The following KLHL25 variants were observed in gnomAD, a reference collection of about 807,000 sequenced individuals.
KLHL25 encodes kelch-like protein 25.
Under a neutral mutation model 30.0 loss-of-function variants are expected in KLHL25, and 41 were observed. That is an observed-to-expected ratio of 1.37 (90% CI 1.07 to 1.78). KLHL25 has a LOEUF of 1.78. KLHL25 is among the 40% of genes most tolerant of loss of function. The pLI is 0.00. For missense variants in KLHL25, 971 were observed against 824.5 expected, an observed-to-expected ratio of 1.18 and a Z score of -2.18; for synonymous variants, 399 against 355.3, an observed-to-expected ratio of 1.12 and a Z score of -1.38.
chr15:85,769,765 C>A lies in KLHL25; in HGVS notation c.46G>T (p.Gly16Trp). The change falls in exon 2 of 3, where the codon GGG becomes TGG. Residue 16 changes from glycine (G) to tryptophan (W), a missense_variant. Gly to Trp is a radical substitution (Grantham distance 184, BLOSUM62 -2). Transcript: ENST00000337975. The stretch of plus-strand genomic sequence containing the variant: ...TGGAAGAGGGTGACGTTCATGGACC[C>A]CGTGCTGCTCCGCGACTTGCGGGTC... ...HETRKSRSSTGSMNVTLFHKA... is the reference protein window; with the variant it reads ...HETRKSRSSTWSMNVTLFHKA... 1 of 1,612,958 alleles carries A rather than the reference C, an allele frequency of 6.2e-7. No homozygotes were observed. Among genetic ancestry groups the A allele is most frequent in the Non-Finnish European group, 8.5e-7 (1 of 1,179,904 alleles).
chr15:85,793,539 C>T (rs1329201778), intron 1 of KLHL25, among the ~76,000 whole-genome samples: 1 of 152,162 alleles, frequency 6.6e-6, no homozygotes, highest in Non-Finnish European at 1.5e-5. Context: ...GCCAGGAATC[C>T]TCACAGCTCA....
intron 1 of KLHL25, among the ~76,000 whole-genome samples, chr15:85,792,536 G>A (rs895712518): frequency 2.0e-5 from 3 of 152,110 alleles, no homozygotes; most frequent in Admixed American, 2.0e-4. Context: ...GGTTCTCCCA[G>A]GACCCCCAGA....
chr15:85,766,397 G>C (rs1295696515), intron 2 of KLHL25, among the ~76,000 whole-genome samples: 2 of 152,206 alleles, frequency 1.3e-5, no homozygotes, highest in Non-Finnish European at 2.9e-5. Context: ...GCCTTTCCCA[G>C]GCCCTAAACA....
rs553077602 is a variant in KLHL25 at position 85,770,487 on chromosome 15, T to C, written c.-10-667A>G. On this transcript the variant is annotated intron_variant, in intron 1 of 2. Coordinates refer to ENST00000337975, the MANE Select transcript of KLHL25 (RefSeq NM_022480.4). The stretch of plus-strand genomic sequence containing the variant: ...TACTGGCTAGACATCCCCCTTGCCT[T>C]GGAACAAGAGCCGCCATCAAGGCCC... The C allele has an allele frequency of 6.6e-5, 35 of 533,860 alleles. 1 individual carries two copies. Among genetic ancestry groups the C allele is most frequent in the South Asian group, 4.5e-4 (32 of 71,324 alleles). 33.1% of individuals were successfully genotyped at this position (533,860 alleles called of 1,614,324 possible). A position where few individuals can be genotyped will look rare whatever the true frequency, so the allele number is the denominator to read the frequency against.
At position 85,768,238 on chromosome 15, in the gene KLHL25, T is replaced by C; in HGVS notation, c.1573A>G (p.Thr525Ala). 1 of 1,614,132 alleles carries C rather than the reference T, an allele frequency of 6.2e-7. No homozygotes were observed. The highest frequency in any genetic ancestry group is 1.3e-5 in the African/African-American group (1 of 75,044). ...TNQWTRIGDM[T>A]AKRMSCHALA... The stretch of plus-strand genomic sequence containing the variant: ...GCATGGCAGGACATGCGCTTGGCAG[T>C]CATGTCCCCAATCCGCGTCCACTGG... Residue 525 changes from threonine (T) to alanine (A), a missense_variant, in exon 2 of 3, where the codon ACT becomes GCT. Transcript: ENST00000337975.
chr15:85,767,048 C>A (rs1040199036), intron 2 of KLHL25, among the ~76,000 whole-genome samples: 1 of 147,460 alleles, frequency 6.8e-6, no homozygotes, highest in African/African-American at 2.5e-5. Context: ...TGGAGTACAG[C>A]GGCATGATCT....
intron 1 of KLHL25, among the ~76,000 whole-genome samples, chr15:85,784,867 A>T (rs969380058): frequency 5.3e-5 from 8 of 152,304 alleles, no homozygotes; most frequent in African/African-American, 1.9e-4. Context: ...AGCCTACAGA[A>T]CTGTGCATTA....
intron 1 of KLHL25, chr15:85,770,659 C>A (rs1274245309): frequency 4.4e-6 from 2 of 455,164 alleles, no homozygotes; most frequent in South Asian, 1.6e-5. Context: ...GCAGGACATG[C>A]CGAACCCTAA....
chr15:85,787,745 A>G (rs1017196336), intron 1 of KLHL25, among the ~76,000 whole-genome samples: 4 of 152,218 alleles, frequency 2.6e-5, no homozygotes, highest in Non-Finnish European at 4.4e-5. Flanking sequence ...ACTAAGTGGT[A>G]TAAGTTGTAG....
In KLHL25 at chr15:85,769,736, C is replaced by T. The variant is rs771961478; in HGVS notation, c.75G>A (p.Lys25=). Residue 25 remains lysine, a synonymous_variant, in exon 2 of 3, where the codon AAG becomes AAA. Transcript: ENST00000337975. ...TGSMNVTLFH[K]ASHPDCVLAH... is the part of the protein sequence containing the mutation. ...CCAGCACACAGTCCGGGTGGGAGGC[C>T]TTGTGGAAGAGGGTGACGTTCATGG... 1.2e-6 allele frequency: 2 copies of T among 1,613,838 alleles called. No individual in the cohort carries two copies. The highest frequency in any genetic ancestry group is 2.7e-5 in the African/African-American group (2 of 75,070).
chr15:85,769,546 A>G lies in KLHL25; in HGVS notation c.265T>C (p.Phe89Leu). The change falls in exon 2 of 3, where the codon TTC (phenylalanine) becomes CTC (leucine). Residue 89 changes from phenylalanine to leucine, a missense_variant. Coordinates refer to ENST00000337975, the MANE Select transcript of KLHL25 (RefSeq NM_022480.4). ...LRESRDDTVN[F>L]QDNLHPEVLE... ...ACCTCCGGGTGCAGGTTGTCCTGGA[A>G]GTTGACAGTGTCATCCCGGCTCTCC... 1 of 1,613,908 alleles carries G rather than the reference A, an allele frequency of 6.2e-7. No individual in the cohort carries two copies. The highest frequency in any genetic ancestry group is 8.5e-7 in the Non-Finnish European group (1 of 1,180,034).
intron 1 of KLHL25, among the ~76,000 whole-genome samples, chr15:85,784,768 A>C (rs906642297): frequency 7.9e-5 from 12 of 152,180 alleles, no homozygotes; most frequent in Non-Finnish European, 1.5e-4. Context: ...ATTCTTCACC[A>C]GAGCCTCAAG....
intron 2 of KLHL25, among the ~76,000 whole-genome samples, chr15:85,767,801 C>G (rs1372084731): frequency 6.6e-6 from 1 of 152,234 alleles, no homozygotes; most frequent in East Asian, 1.9e-4. Flanking sequence ...ACCATGGTTA[C>G]TGTCCCCATT....
rs776785641 is a variant in KLHL25, at chr15:85,768,968, G to A, written c.843C>T (p.Gly281=). 26 of 1,612,910 alleles carry A rather than the reference G, an allele frequency of 1.6e-5. No individual in the cohort carries two copies. The East Asian group carries it at 3.6e-4, about 22-fold the overall frequency. The change falls in exon 2 of 3, where the codon GGC becomes GGT. Residue 281 remains glycine (G), a synonymous_variant. Transcript: ENST00000337975. ...GCCGGGCACAGGGGCTGGTGACCAC[G>A]CCATCATTCTGCAGGATCCTGGTCT... is the stretch of plus-strand genomic sequence containing the variant. ...RCKTRILQND[G]VVTSPCARPR...
At chr15:85,777,220 C>T (rs888327910) in intron 1 of KLHL25, among the ~76,000 whole-genome samples, 6 of 152,230 alleles carry the variant, frequency 3.9e-5, no homozygotes, top group Non-Finnish European at 8.8e-5. Flanking sequence ...CAGGCAATCC[C>T]ATGAGGTCCC....
At chr15:85,790,577 G>A (rs2089809999) in intron 1 of KLHL25, among the ~76,000 whole-genome samples, 1 of 152,148 alleles carries the variant, frequency 6.6e-6, no homozygotes, top group East Asian at 1.9e-4. Flanking sequence ...AGGCTCACAG[G>A]GGTAAGGGAA....
intron 1 of KLHL25, among the ~76,000 whole-genome samples, chr15:85,781,303 G>T (rs977880698): frequency 6.6e-6 from 1 of 152,150 alleles, no homozygotes; most frequent in Non-Finnish European, 1.5e-5. Context: ...GTAACATCAG[G>T]CATCGGCCAT....
At chr15:85,782,119 A>G (rs1307063845) in intron 1 of KLHL25, among the ~76,000 whole-genome samples, 1 of 151,956 alleles carries the variant, frequency 6.6e-6, no homozygotes, top group African/African-American at 2.4e-5. Context: ...GGCCGTGAGT[A>G]GACTGCTACA....
In KLHL25 at chr15:85,768,526, G is replaced by C. The variant is rs1164998141; in HGVS notation, c.1285C>G (p.Pro429Ala). ...PGANKWMMVAPLRDGVSNAAV... is the reference protein window; with the variant it reads ...PGANKWMMVAALRDGVSNAAV... Reference sequence around the variant, plus strand: ...GCATTGCTGACGCCATCCCGCAAGGGGGCCACCATCATCCACTTGTTGGCC... The same window carrying C: ...GCATTGCTGACGCCATCCCGCAAGGCGGCCACCATCATCCACTTGTTGGCC... Residue 429 changes from proline to alanine, a missense_variant, in exon 2 of 3, where the codon CCC (proline) becomes GCC (alanine). Physicochemically the swap from Pro to Ala is conservative, Grantham distance 27 (BLOSUM62 -1). Coordinates refer to ENST00000337975, the MANE Select transcript of KLHL25 (RefSeq NM_022480.4). The C allele has an allele frequency of 1.2e-6, 2 of 1,613,640 alleles. No individual in the cohort carries two copies. Among genetic ancestry groups the C allele is most frequent in the Admixed American group, 3.3e-5 (2 of 60,024 alleles).
Sources: allele counts gnomAD v4.1 joint callset (sites outside exome capture counted in the v4.1 genomes callset), GRCh38; gene constraint gnomAD v4.1.1; transcripts MANE v1.5; gene names NCBI Gene and HGNC (gene_info 2026-07-23, HGNC 2026-07-21).